IQGAP2: variants seen among roughly 807,000 people sequenced by gnomAD.
The protein encoded by IQGAP2 is IQ motif containing GTPase activating protein 2, also known as ras GTPase-activating-like protein IQGAP2.
In IQGAP2, 173 loss-of-function variants were observed where a neutral mutation model predicts 201.3. The ratio of observed to expected loss-of-function variants is 0.86; its 90% CI spans 0.76 to 0.98. The LOEUF is 0.98. Ranked by LOEUF, IQGAP2 falls within the 50% of genes least tolerant of loss-of-function variation. The pLI is 0.00. For missense variants in IQGAP2, 1,687 were observed against 1,864.8 expected (o/e 0.90, Z 1.76); for synonymous variants, 675 against 673.9 (o/e 1.00, Z -0.03).
At chr5:76,533,739 C>T (rs1297205482) in intron 2 of IQGAP2, among the ~76,000 whole-genome samples, 3 of 151,988 alleles carry the variant, frequency 2.0e-5, no homozygotes, top group Non-Finnish European at 2.9e-5. Flanking sequence ...GGGGTTTCAC[C>T]GTGTTAGCCA....
intron 28 of IQGAP2, among the ~76,000 whole-genome samples, chr5:76,679,709 G>T (rs1023820329): frequency 2.0e-5 from 3 of 152,142 alleles, no homozygotes; most frequent in African/African-American, 7.2e-5. Flanking sequence ...TGCATATTTT[G>T]TTCTTGTCTC....
At chr5:76,479,036 A>G (rs1200112944) in intron 2 of IQGAP2, among the ~76,000 whole-genome samples, 2 of 151,620 alleles carry the variant, frequency 1.3e-5, no homozygotes, top group East Asian at 3.9e-4. Context: ...ATGGAAGGGC[A>G]CCTCCTGAGC....
Position 76,553,542 on chromosome 5 carries a change from C to T in IQGAP2, c.147-8854C>T, listed in dbSNP as rs535831496. 4.7e-4 allele frequency among the ~76,000 whole-genome samples: 71 copies of T among 152,334 alleles called. 1 individual carries two copies. The highest frequency in any genetic ancestry group is 1.7e-3 in the African/African-American group (71 of 41,592). ...CTCCACAAAACAACTTTCGTATGTT[C>T]TGCAAGGCACAAAGTAGTACAATAG... On this transcript the variant is annotated intron_variant, in intron 2 of 35. Coordinates refer to ENST00000274364, the MANE Select transcript of IQGAP2 (RefSeq NM_006633.5).
At chr5:76,702,933 A>AC (rs1747538733) in intron 35 of IQGAP2, among the ~76,000 whole-genome samples, 1 of 147,182 alleles carries the variant, frequency 6.8e-6, no homozygotes, top group South Asian at 2.1e-4. Context: ...TCTTTCTAAG[A>AC]CTATGTATGC....
chr5:76,641,353 G>C (rs1041290231), intron 17 of IQGAP2, among the ~76,000 whole-genome samples: 2 of 152,180 alleles, frequency 1.3e-5, no homozygotes, highest in African/African-American at 4.8e-5. Context: ...TCCACCTGCT[G>C]CCAACCTAGT....
chr5:76,631,848 C>T lies in IQGAP2; in HGVS notation c.1613-11C>T, dbSNP rs1312300266. The T allele has an allele frequency of 2.0e-6, 3 of 1,529,894 alleles. No homozygotes were observed. The highest frequency in any genetic ancestry group is 1.3e-5 in the South Asian group (1 of 78,160). The allele number at this position is 1,529,894 out of a possible 1,614,324, so 94.8% of individuals were successfully genotyped here. A position where few individuals can be genotyped will look rare whatever the true frequency, so the allele number is the denominator to read the frequency against. ...AACCATTAACAAGAAACTTTTTTTT[C>T]AATTACCCAGGGGTTACTCTGGTGG... On this transcript the variant is annotated splice_polypyrimidine_tract_variant and intron_variant, in intron 14 of 35. Transcript: ENST00000274364.
chr5:76,524,036 A>C (rs79091277), intron 2 of IQGAP2, among the ~76,000 whole-genome samples: 2,077 of 152,236 alleles, frequency 0.014, 38 homozygotes, highest in African/African-American at 0.047. Flanking sequence ...TGATCTCTTT[A>C]GGAGTCTATA....
intron 8 of IQGAP2, among the ~76,000 whole-genome samples, chr5:76,590,894 C>A (rs922558722): frequency 2.0e-5 from 3 of 151,898 alleles, no homozygotes; most frequent in Non-Finnish European, 2.9e-5. Flanking sequence ...CAAAACGAGC[C>A]TGCGCGCTAT....
intron 1 of IQGAP2, among the ~76,000 whole-genome samples, chr5:76,454,746 T>C (rs569023915): frequency 1.3e-5 from 2 of 152,056 alleles, no homozygotes; most frequent in Admixed American, 1.3e-4. Flanking sequence ...AGTGCCGCAA[T>C]AAACATACGT....
intron 28 of IQGAP2, among the ~76,000 whole-genome samples, chr5:76,679,332 T>C (rs1218995877): frequency 1.3e-5 from 2 of 152,238 alleles, no homozygotes; most frequent in Non-Finnish European, 2.9e-5. Context: ...AATTCAATCC[T>C]GGGAAAGAGA....
intron 2 of IQGAP2, among the ~76,000 whole-genome samples, chr5:76,489,506 G>C (rs987639927): frequency 6.6e-6 from 1 of 152,070 alleles, no homozygotes; most frequent in African/African-American, 2.4e-5. Flanking sequence ...CTGTCCCCCA[G>C]GCTGGAGTGC....
intron 1 of IQGAP2, among the ~76,000 whole-genome samples, chr5:76,441,894 G>C (rs1012907232): frequency 6.6e-6 from 1 of 152,184 alleles, no homozygotes; most frequent in Non-Finnish European, 1.5e-5. Context: ...AGGCCTTTGA[G>C]GACTAGGAAA....
chr5:76,486,982 C>CAT (rs1756186410), intron 2 of IQGAP2, among the ~76,000 whole-genome samples: 1 of 151,872 alleles, frequency 6.6e-6, no homozygotes, highest in African/African-American at 2.4e-5. Flanking sequence ...CATAACTGAG[C>CAT]ATTTGATCCA....
At chr5:76,414,574 ACTT>A (rs1367393023) in intron 1 of IQGAP2, among the ~76,000 whole-genome samples, 1 of 152,208 alleles carries the variant, frequency 6.6e-6, no homozygotes, top group Non-Finnish European at 1.5e-5. Flanking sequence ...TAATCCCAGC[ACTT>A]TGGGAGGCTA....
intron 2 of IQGAP2, among the ~76,000 whole-genome samples, chr5:76,520,352 G>T (rs1183052411): frequency 6.6e-6 from 1 of 152,108 alleles, no homozygotes; most frequent in African/African-American, 2.4e-5. Flanking sequence ...AGTAGAGACG[G>T]GGTTTCTCCA....
chr5:76,428,579 C>T (rs1190938658), intron 1 of IQGAP2, among the ~76,000 whole-genome samples: 9 of 150,996 alleles, frequency 6.0e-5, no homozygotes, highest in South Asian at 4.2e-4. Flanking sequence ...TACAGGTGTG[C>T]GCCACCACAC....
intron 12 of IQGAP2, chr5:76,609,340 A>G: frequency 1.2e-5 from 12 of 1,008,360 alleles, no homozygotes; most frequent in Non-Finnish European, 1.6e-5. Flanking sequence ...TTGTATATAG[A>G]TAATACTTAG....
chr5:76,437,526 C>T (rs545601763), intron 1 of IQGAP2, among the ~76,000 whole-genome samples: 17 of 152,156 alleles, frequency 1.1e-4, no homozygotes, highest in African/African-American at 4.1e-4. Context: ...ATAAATAGCT[C>T]CCCCGCTCCC....
At chr5:76,496,730 TTTCTTTC>T (rs768150660) in intron 2 of IQGAP2, among the ~76,000 whole-genome samples, 3,915 of 47,624 alleles carry the variant, frequency 0.082, 109 homozygotes, top group Middle Eastern at 0.14. Flanking sequence ...CTTTCTTTTC[TTTCTTTC>T]TTTCTTTCTT....
Sources: gnomAD v4.1 joint callset for allele counts (sites outside exome capture counted in the v4.1 genomes callset) on GRCh38, gnomAD v4.1.1 for gene constraint, MANE v1.5 for transcripts, NCBI Gene and HGNC (gene_info 2026-07-23, HGNC 2026-07-21) for gene names.